The following NLGN1 variants were observed in gnomAD, a reference collection of about 807,000 sequenced individuals.
NLGN1 encodes neuroligin-1.
Under a neutral mutation model 65.5 loss-of-function variants are expected in NLGN1, and 12 were observed. The observed-to-expected ratio is 0.18, with a 90% CI of 0.12 to 0.30. The LOEUF (loss-of-function observed/expected upper bound fraction) is 0.30. Among genes scored for constraint, NLGN1 ranks in the 10% least tolerant of loss-of-function variants. NLGN1 has a pLI of 1.00. For missense variants in NLGN1, 750 were observed against 1,007.1 expected, an observed-to-expected ratio of 0.74 and a Z score of 3.46; for synonymous variants, 350 against 359.5, an observed-to-expected ratio of 0.97 and a Z score of 0.30.
At position 174,061,836 on chromosome 3, in the gene NLGN1, A is replaced by G. The variant is rs1737486349; in HGVS notation, c.647-213479A>G. On this transcript the variant is annotated intron_variant, in intron 4 of 6. Coordinates refer to ENST00000457714, the Ensembl canonical transcript of NLGN1. The stretch of plus-strand genomic sequence containing the variant: ...TATTCCCTGGTTGCAGTTTCTTAAA[A>G]TGGGACTCTAGAAATTATGTGTAAA... Among the ~76,000 whole-genome samples the G allele has an allele frequency of 2.0e-5, 3 of 152,262 alleles. No homozygotes were observed. In the South Asian group the frequency reaches 6.2e-4, roughly 32 times the overall value.
At chr3:173,761,802 T>A (rs891451407) in intron 3 of NLGN1, among the ~76,000 whole-genome samples, 1 of 152,058 alleles carries the variant, frequency 6.6e-6, no homozygotes, top group African/African-American at 2.4e-5. Context: ...TTTAAACTTA[T>A]CAATTGAGAC....
chr3:173,468,132 G>C (rs929923072), intron 2 of NLGN1, among the ~76,000 whole-genome samples: 2 of 152,038 alleles, frequency 1.3e-5, no homozygotes, highest in Non-Finnish European at 1.5e-5. Flanking sequence ...CGCGGGCTGT[G>C]CTTTATTCAA....
chr3:173,590,989 G>T (rs1002210184), intron 2 of NLGN1, among the ~76,000 whole-genome samples: 1 of 152,014 alleles, frequency 6.6e-6, no homozygotes, highest in Non-Finnish European at 1.5e-5. Context: ...GGGAACGTTG[G>T]AATTACTAAA....
chr3:173,553,387 A>G (rs1741200595), intron 2 of NLGN1, among the ~76,000 whole-genome samples: 2 of 152,334 alleles, frequency 1.3e-5, no homozygotes, highest in South Asian at 4.1e-4. Context: ...GAGAGAATTA[A>G]TTACTAGGAT....
intron 4 of NLGN1, among the ~76,000 whole-genome samples, chr3:173,820,806 CAGA>C (rs1720142408): frequency 1.3e-5 from 2 of 152,062 alleles, no homozygotes; most frequent in South Asian, 2.1e-4. Context: ...TACGATATTG[CAGA>C]AGGATAACTA....
At chr3:173,580,019 C>A (rs1577369086) in intron 2 of NLGN1, among the ~76,000 whole-genome samples, 1 of 151,962 alleles carries the variant, frequency 6.6e-6, no homozygotes, top group East Asian at 1.9e-4. Context: ...TCTTCTTTTT[C>A]AGACACTGAG....
intron 3 of NLGN1, among the ~76,000 whole-genome samples, chr3:173,771,179 C>G (rs1222605663): frequency 6.6e-6 from 1 of 152,124 alleles, no homozygotes; most frequent in African/African-American, 2.4e-5. Context: ...ATTTTAATCA[C>G]CCTGATTTAA....
chr3:173,466,349 C>A (rs1724354605), intron 2 of NLGN1, among the ~76,000 whole-genome samples: 1 of 151,974 alleles, frequency 6.6e-6, no homozygotes, highest in Non-Finnish European at 1.5e-5. Context: ...ATCTGGCTTA[C>A]TGGGAAAAAA....
At chr3:173,694,320 G>A (rs568570792) in intron 3 of NLGN1, among the ~76,000 whole-genome samples, 2 of 152,240 alleles carry the variant, frequency 1.3e-5, no homozygotes, top group African/African-American at 4.8e-5. Context: ...GTAATGTAGA[G>A]GTGCAAAACT....
intron 4 of NLGN1, among the ~76,000 whole-genome samples, chr3:173,960,679 T>C (rs967664421): frequency 6.6e-6 from 1 of 151,912 alleles, no homozygotes; most frequent in Admixed American, 6.6e-5. Context: ...AAAAATATGT[T>C]TCCTATATCT....
chr3:173,886,674 T>C (rs1734389553), intron 4 of NLGN1, among the ~76,000 whole-genome samples: 1 of 151,904 alleles, frequency 6.6e-6, no homozygotes, highest in Non-Finnish European at 1.5e-5. Flanking sequence ...TAGGGATGAG[T>C]GTAAAAATCG....
chr3:173,928,223 G>T (rs191363103), intron 4 of NLGN1, among the ~76,000 whole-genome samples: 2 of 152,248 alleles, frequency 1.3e-5, no homozygotes, highest in Admixed American at 6.5e-5. Flanking sequence ...AAATTAATTT[G>T]TCCAGGGTCA....
chr3:174,233,518 T>TA, intron 4 of NLGN1, among the ~76,000 whole-genome samples: 1 of 124,558 alleles, frequency 8.0e-6, no homozygotes. Context: ...ATAATAATAA[T>TA]ATAAAAAATA....
chr3:173,994,891 C>T (rs1235335304), intron 4 of NLGN1, among the ~76,000 whole-genome samples: 1 of 152,044 alleles, frequency 6.6e-6, no homozygotes, highest in Non-Finnish European at 1.5e-5. Context: ...TTTACCCTTG[C>T]AAAGAGGAAA....
chr3:173,916,545 T>C (rs1399655300), intron 4 of NLGN1, among the ~76,000 whole-genome samples: 1 of 152,128 alleles, frequency 6.6e-6, no homozygotes, highest in African/African-American at 2.4e-5. Context: ...TAATTAGGAC[T>C]ACATGAAAGC....
intron 4 of NLGN1, among the ~76,000 whole-genome samples, chr3:173,903,793 G>A (rs1474096059): frequency 2.0e-5 from 3 of 152,174 alleles, no homozygotes; most frequent in African/African-American, 7.2e-5. Context: ...ATGAGAGTTG[G>A]TGTCAGTCTC....
At chr3:173,591,293 A>G (rs1199882117) in intron 2 of NLGN1, among the ~76,000 whole-genome samples, 1 of 152,180 alleles carries the variant, frequency 6.6e-6, no homozygotes, top group Non-Finnish European at 1.5e-5. Context: ...TATTGTTATT[A>G]GTACTAATGC....
At chr3:173,686,562 T>A (rs1477767773) in intron 3 of NLGN1, among the ~76,000 whole-genome samples, 4 of 152,136 alleles carry the variant, frequency 2.6e-5, no homozygotes, top group African/African-American at 9.7e-5. Context: ...ACTATGTAAA[T>A]GTTTCCCAGC....
At chr3:174,000,909 TCTC>T (rs1723154337) in intron 4 of NLGN1, among the ~76,000 whole-genome samples, 1 of 152,132 alleles carries the variant, frequency 6.6e-6, no homozygotes, top group African/African-American at 2.4e-5. Context: ...ACACTGGTCT[TCTC>T]CTGACTTTCT....
Sources: allele counts gnomAD v4.1 joint callset (sites outside exome capture counted in the v4.1 genomes callset), GRCh38; gene constraint gnomAD v4.1.1; transcripts MANE v1.5; gene names NCBI Gene and HGNC (gene_info 2026-07-23, HGNC 2026-07-21).